TPD52: variants seen among roughly 807,000 people sequenced by gnomAD.
TPD52 encodes tumor protein D52.
In TPD52, 17 loss-of-function variants were observed where a neutral mutation model predicts 31.3. That is an observed-to-expected ratio of 0.54 (90% confidence interval 0.37 to 0.82). The LOEUF (loss-of-function observed/expected upper bound fraction) is 0.82. Ranked by LOEUF, TPD52 falls within the 40% of genes least tolerant of loss-of-function variation. TPD52 has a pLI of 0.00. For synonymous variants in TPD52, 83 were observed against 89.6 expected (o/e 0.93, Z 0.42); for missense variants, 212 against 240.1 (o/e 0.88, Z 0.77).
intron 2 of TPD52, among the ~76,000 whole-genome samples, chr8:80,061,383 C>A (rs1356007369): frequency 4.0e-5 from 5 of 126,502 alleles, no homozygotes; most frequent in Non-Finnish European, 8.4e-5. Flanking sequence ...CACCGCCCCC[C>A]CCAAAAAAAA....
At chr8:80,063,026 T>C (rs914998124) in intron 2 of TPD52, among the ~76,000 whole-genome samples, 1 of 152,120 alleles carries the variant, frequency 6.6e-6, no homozygotes, top group Non-Finnish European at 1.5e-5. Context: ...TACCACATGA[T>C]GAAGCAATTC....
intron 1 of TPD52, among the ~76,000 whole-genome samples, chr8:80,128,248 T>C (rs901096539): frequency 2.2e-4 from 34 of 152,152 alleles, no homozygotes; most frequent in Middle Eastern, 3.4e-3. Flanking sequence ...CTTTTATTCA[T>C]AGAAGGAAAA....
At chr8:80,138,850 G>A (rs1386821355) in intron 1 of TPD52, among the ~76,000 whole-genome samples, 1 of 152,116 alleles carries the variant, frequency 6.6e-6, no homozygotes, top group Non-Finnish European at 1.5e-5. Flanking sequence ...GATTTACAAG[G>A]CCAAGGTAAC....
intron 1 of TPD52, among the ~76,000 whole-genome samples, chr8:80,069,980 G>T (rs1333730944): frequency 1.3e-5 from 2 of 152,282 alleles, no homozygotes; most frequent in East Asian, 3.9e-4. Context: ...ACAGTGCCTA[G>T]AACAGTCAAT....
At chr8:80,126,479 ATTTTT>A (rs752947491) in intron 1 of TPD52, among the ~76,000 whole-genome samples, 1 of 126,456 alleles carries the variant, frequency 7.9e-6, no homozygotes, top group Non-Finnish European at 1.6e-5. Context: ...AAAGTTTATA[ATTTTT>A]TTTTTTTTTT....
intron 5 of TPD52, 100 bp downstream of exon 5, chr8:80,050,345 C>G: frequency 3.3e-6 from 4 of 1,198,928 alleles, no homozygotes; most frequent in Non-Finnish European, 4.6e-6. Context: ...AAATTATGTA[C>G]TGGACAAACA....
At chr8:80,064,836 C>A (rs1563588379) in intron 1 of TPD52, 1 of 638,104 alleles carries the variant, frequency 1.6e-6, no homozygotes, top group Non-Finnish European at 2.9e-6. Flanking sequence ...CTCTTAGCTT[C>A]TGTTCATAGT....
At chr8:80,031,294 A>G (rs1201659190), downstream of TPD52, among the ~76,000 whole-genome samples, 2 of 152,232 alleles carry the variant, frequency 1.3e-5, no homozygotes, top group Non-Finnish European at 1.5e-5. Flanking sequence ...TGGTACAGAT[A>G]GTGTTAAGAA....
intron 2 of TPD52, among the ~76,000 whole-genome samples, chr8:80,060,918 C>T (rs1812452214): frequency 6.6e-6 from 1 of 151,970 alleles, no homozygotes; most frequent in African/African-American, 2.4e-5. Flanking sequence ...ACAGGGATAC[C>T]CATTTTTACC....
intron 1 of TPD52, among the ~76,000 whole-genome samples, chr8:80,076,536 A>G (rs570668511): frequency 1.3e-5 from 2 of 152,156 alleles, no homozygotes; most frequent in Non-Finnish European, 2.9e-5. Flanking sequence ...AGAGGAGCAA[A>G]AAAAGGGAAA....
At chr8:80,070,427 T>G (rs1252410469) in intron 1 of TPD52, among the ~76,000 whole-genome samples, 1 of 152,094 alleles carries the variant, frequency 6.6e-6, no homozygotes, top group Non-Finnish European at 1.5e-5. Context: ...GGAAGACAAT[T>G]TTTCCACGGC....
chr8:80,095,297 T>C (rs1816646847), intron 1 of TPD52, among the ~76,000 whole-genome samples: 1 of 152,128 alleles, frequency 6.6e-6, no homozygotes, highest in Non-Finnish European at 1.5e-5. Context: ...ATCTCAACTA[T>C]GTGACATTCT....
intron 5 of TPD52, chr8:80,050,219 T>A (rs1811225087): frequency 2.5e-6 from 1 of 393,454 alleles, no homozygotes; most frequent in Non-Finnish European, 4.5e-6. Flanking sequence ...CATTTCCATA[T>A]CCCTTGAACC....
chr8:80,076,709 C>T (rs916187937), intron 1 of TPD52, among the ~76,000 whole-genome samples: 1 of 152,118 alleles, frequency 6.6e-6, no homozygotes, highest in Admixed American at 6.5e-5. Context: ...GAGTCTCATT[C>T]TGTCACCCAG....
intron 2 of TPD52, among the ~76,000 whole-genome samples, chr8:80,059,587 C>T (rs1159904816): frequency 6.6e-6 from 1 of 152,232 alleles, no homozygotes; most frequent in Non-Finnish European, 1.5e-5. Context: ...GGCGCAGTGG[C>T]TCACGCCTGT....
At chr8:80,111,855 A>T (rs905800276) in intron 1 of TPD52, among the ~76,000 whole-genome samples, 1 of 152,230 alleles carries the variant, frequency 6.6e-6, no homozygotes, top group African/African-American at 2.4e-5. Flanking sequence ...CAGTTTTCTC[A>T]CCTGTAAAAT....
intron 1 of TPD52, among the ~76,000 whole-genome samples, chr8:80,094,764 A>T (rs1816602478): frequency 6.9e-6 from 1 of 145,970 alleles, no homozygotes; most frequent in South Asian, 2.2e-4. Context: ...CCATAATTTA[A>T]AAAAAAAATG....
At chr8:80,122,604 G>A (rs533242555) in intron 1 of TPD52, among the ~76,000 whole-genome samples, 1 of 152,082 alleles carries the variant, frequency 6.6e-6, no homozygotes, top group East Asian at 1.9e-4. Context: ...GAAGAGAAGA[G>A]ACAAAAAAAC....
At position 80,035,896 on chromosome 8, in the gene TPD52, T is replaced by A. The variant is rs962505624; in HGVS notation, c.*2220A>T. On this transcript the variant is annotated 3_prime_UTR_variant, in exon 8 of 8. Coordinates refer to ENST00000518937, the MANE Select transcript of TPD52 (RefSeq NM_001025253.3). ...TTTCTACTAATTACTATGTTTCTCA[T>A]TCTTTAAATATCTGTGAATTCATAA... 2 of 152,376 alleles carry A rather than the reference T, an allele frequency of 1.3e-5. No homozygotes were observed. The highest frequency in any genetic ancestry group is 3.4e-3 in the Middle Eastern group (1 of 292). 9.4% of individuals were successfully genotyped at this position (152,376 alleles called of 1,614,324 possible). A position where few individuals can be genotyped will look rare whatever the true frequency, so the allele number is the denominator to read the frequency against.
Sources: allele counts gnomAD v4.1 joint callset (sites outside exome capture counted in the v4.1 genomes callset), GRCh38; gene constraint gnomAD v4.1.1; transcripts MANE v1.5; gene names NCBI Gene and HGNC (gene_info 2026-07-23, HGNC 2026-07-21).